CUBN: variants seen among roughly 807,000 people sequenced by gnomAD.
CUBN encodes the protein 460 kDa receptor.
In CUBN, 282 loss-of-function variants were observed where a neutral mutation model predicts 405.3. That is an observed-to-expected ratio of 0.70 (90% confidence interval 0.63 to 0.77). The LOEUF (loss-of-function observed/expected upper bound fraction) is 0.77. CUBN is among the 30% of genes least tolerant of loss of function. The pLI, the probability that CUBN is intolerant of heterozygous loss-of-function variation, is 0.00. For missense variants in CUBN, 4,514 were observed against 4,475.2 expected (o/e 1.01, Z -0.25); for synonymous variants, 1,684 against 1,617.0 (o/e 1.04, Z -0.99).
chr10:17,008,321 G>A (rs1834085703), intron 28 of CUBN, among the ~76,000 whole-genome samples: 1 of 138,504 alleles, frequency 7.2e-6, no homozygotes, highest in Non-Finnish European at 1.5e-5. Flanking sequence ...TCCTGTGGCT[G>A]TAGAGTCCCT....
intron 63 of CUBN, 80 bp downstream of exon 63, chr10:16,836,155 T>C: frequency 2.9e-6 from 4 of 1,366,446 alleles, no homozygotes; most frequent in Non-Finnish European, 4.2e-6. Flanking sequence ...GAGTCAATTC[T>C]AGAAATAATT....
chr10:17,002,804 A>G (rs1355896530), intron 28 of CUBN, among the ~76,000 whole-genome samples: 1 of 152,200 alleles, frequency 6.6e-6, no homozygotes, highest in Non-Finnish European at 1.5e-5. Flanking sequence ...CTTTACAACA[A>G]GGAGTTATTT....
rs1842620695 is a variant in CUBN at position 16,940,303 on chromosome 10, A to G, written c.5343-66T>C. Reference sequence around the variant, plus strand: ...AGAATAGACTTTGGGATTCTCCCGGATCACATGCTAGGTTAACCCGTTCAC... The same window carrying G: ...AGAATAGACTTTGGGATTCTCCCGGGTCACATGCTAGGTTAACCCGTTCAC... On this transcript the variant is annotated intron_variant, in intron 36 of 66. Transcript: ENST00000377833. 17 of 1,383,524 alleles carry G rather than the reference A, an allele frequency of 1.2e-5. No individual in the cohort carries two copies. In the South Asian group the frequency reaches 1.4e-4, roughly 11 times the overall value. 85.7% of individuals were successfully genotyped at this position (1,383,524 alleles called of 1,614,324 possible). A position where few individuals can be genotyped will look rare whatever the true frequency, so the allele number is the denominator to read the frequency against.
In CUBN at chr10:16,835,093, G is replaced by A. The variant is rs1468758215; in HGVS notation, c.10283C>T (p.Pro3428Leu). 3.7e-6 allele frequency: 6 copies of A among 1,614,030 alleles called. No homozygotes were observed. The highest frequency in any genetic ancestry group is 1.7e-5 in the Admixed American group (1 of 60,000). The change falls in exon 64 of 67, where the codon CCC becomes CTC. Residue 3428 changes from proline to leucine, a missense_variant. By Grantham distance (98) the Pro-to-Leu change is moderately conservative. Coordinates refer to ENST00000377833, the MANE Select transcript of CUBN (RefSeq NM_001081.4). ...AAAGAGGGAAATGGTGTGGTTCTGG[G>A]GGGCTGTGAGAGTAACGGTGCAATC... ...DKDCTVTLTA[P>L]QNHTISLFFH...
At chr10:16,830,007 C>A (rs1838933598) in intron 65 of CUBN, among the ~76,000 whole-genome samples, 1 of 151,702 alleles carries the variant, frequency 6.6e-6, no homozygotes, top group African/African-American at 2.4e-5. Context: ...GTGATCTCGG[C>A]TCACTACAGC....
At chr10:16,905,908 T>A (rs1001635271) in intron 50 of CUBN, among the ~76,000 whole-genome samples, 38 of 150,896 alleles carry the variant, frequency 2.5e-4, no homozygotes, top group African/African-American at 8.8e-4. Context: ...AGGCCAGGAG[T>A]TTGAGACCAG....
intron 22 of CUBN, among the ~76,000 whole-genome samples, chr10:17,052,267 G>T (rs747662377): frequency 6.6e-6 from 1 of 152,128 alleles, no homozygotes; most frequent in Non-Finnish European, 1.5e-5. Flanking sequence ...TGGAAGACTT[G>T]TACTGTATGA....
At chr10:16,970,110 A>T (rs1157989271) in intron 31 of CUBN, among the ~76,000 whole-genome samples, 1 of 152,230 alleles carries the variant, frequency 6.6e-6, no homozygotes, top group African/African-American at 2.4e-5. Flanking sequence ...GTCCAGAAAC[A>T]AGCACCTGGC....
At chr10:17,073,294 C>A (rs1835779917) in intron 17 of CUBN, among the ~76,000 whole-genome samples, 1 of 152,058 alleles carries the variant, frequency 6.6e-6, no homozygotes, top group Non-Finnish European at 1.5e-5. Flanking sequence ...AAATTATAAA[C>A]TATAAATTAA....
intron 7 of CUBN, 54 bp downstream of exon 7, chr10:17,115,417 G>A: frequency 3.1e-6 from 5 of 1,610,512 alleles, no homozygotes; most frequent in Non-Finnish European, 4.2e-6. Context: ...AGGAGGAGGA[G>A]GAGCTACTAA....
intron 28 of CUBN, among the ~76,000 whole-genome samples, chr10:17,007,789 G>A (rs1834067067): frequency 6.6e-6 from 1 of 152,186 alleles, no homozygotes; most frequent in South Asian, 2.1e-4. Context: ...AACATCCCTT[G>A]CGGGGCTGTG....
intron 55 of CUBN, among the ~76,000 whole-genome samples, 157 bp from the exon 56 acceptor site, chr10:16,888,723 T>A (rs1840897490): frequency 6.6e-6 from 1 of 152,240 alleles, no homozygotes; most frequent in Admixed American, 6.5e-5. Context: ...AAGCTCTGAT[T>A]TAAAAACATA....
chr10:16,910,368 G>T (rs1156616629), intron 48 of CUBN, among the ~76,000 whole-genome samples: 15 of 152,108 alleles, frequency 9.9e-5, no homozygotes, highest in Admixed American at 9.8e-4. Context: ...TTGGAGCAGG[G>T]TAAAGAGGAA....
At chr10:16,874,580 T>C in intron 57 of CUBN, 77 bp from the exon 58 acceptor site, 1 of 1,546,718 alleles carries the variant, frequency 6.5e-7, no homozygotes, top group Middle Eastern at 1.7e-4. Flanking sequence ...AGAGATTCTA[T>C]ACTATTGTAC....
chr10:17,064,989 A>G (rs976855758), intron 22 of CUBN, among the ~76,000 whole-genome samples: 2 of 152,314 alleles, frequency 1.3e-5, no homozygotes, highest in East Asian at 1.9e-4. Context: ...ATTTCTTAAC[A>G]TAAGTATTCA....
intron 17 of CUBN, among the ~76,000 whole-genome samples, chr10:17,081,097 T>C (rs934976631): frequency 1.3e-5 from 2 of 152,228 alleles, no homozygotes; most frequent in Admixed American, 6.5e-5. Flanking sequence ...ATCATTCTTA[T>C]CTTTTGCAGT....
At position 17,019,991 on chromosome 10, in the gene CUBN, TG is replaced by T; in HGVS notation, c.4018-9del. The T allele has an allele frequency of 6.2e-7, 1 of 1,613,970 alleles. No individual in the cohort carries two copies. Among genetic ancestry groups the T allele is most frequent in the Non-Finnish European group, 8.5e-7 (1 of 1,179,902 alleles). ...CCGTGGTCCATCATAGAGCTGAAAT[TG>T]AAGAGAAACTTTCCCATATAAAAAC... On this transcript the variant is annotated splice_polypyrimidine_tract_variant and intron_variant, in intron 27 of 66. Coordinates refer to ENST00000377833, the MANE Select transcript of CUBN (RefSeq NM_001081.4).
At chr10:16,853,139 T>TA in intron 59 of CUBN, among the ~76,000 whole-genome samples, 1 of 152,336 alleles carries the variant, frequency 6.6e-6, no homozygotes. Flanking sequence ...CTCCATGGCC[T>TA]AAGCAGACAG....
intron 25 of CUBN, 41 bp downstream of exon 25, chr10:17,044,966 G>T: frequency 6.3e-7 from 1 of 1,579,612 alleles, no homozygotes; most frequent in Non-Finnish European, 8.7e-7. Flanking sequence ...CGTTGGGTGA[G>T]ATGGGAGCAG....
Sources: allele counts gnomAD v4.1 joint callset (sites outside exome capture counted in the v4.1 genomes callset), GRCh38; gene constraint gnomAD v4.1.1; transcripts MANE v1.5; gene names NCBI Gene and HGNC (gene_info 2026-07-23, HGNC 2026-07-21).